CLDN18: variants seen among roughly 807,000 people sequenced by gnomAD.
The protein encoded by CLDN18 is claudin-18.
In CLDN18, 20 loss-of-function variants were observed where a neutral mutation model predicts 25.0. That is an observed-to-expected ratio of 0.80 (90% CI 0.56 to 1.16). CLDN18 has a LOEUF of 1.16. Among genes scored for constraint, CLDN18 ranks in the 50% most tolerant of loss-of-function variants. The probability of loss-of-function intolerance (pLI) is 0.00; values close to 1 mark genes in which losing one functional copy is unlikely to be tolerated. For missense variants in CLDN18, 297 were observed against 345.4 expected (o/e 0.86, Z 1.11); for synonymous variants, 125 against 135.6 (o/e 0.92, Z 0.54).
chr3:138,009,879 T>G, upstream of CLDN18: 1 of 288,084 alleles, frequency 3.5e-6, no homozygotes, highest in Non-Finnish European at 6.7e-6. Flanking sequence ...ACGTCAGCCT[T>G]TTCTCCAGAT....
intron 3 of CLDN18, among the ~76,000 whole-genome samples, chr3:138,028,429 C>T (rs1942352345): frequency 6.6e-6 from 1 of 152,208 alleles, no homozygotes; most frequent in African/African-American, 2.4e-5. Context: ...GGTTTGCACA[C>T]ATATTACTTG....
chr3:138,023,994 T>G (rs564989501), intron 2 of CLDN18, among the ~76,000 whole-genome samples, 172 bp downstream of exon 2: 2 of 152,204 alleles, frequency 1.3e-5, no homozygotes, highest in South Asian at 4.2e-4. Context: ...AGGTCCTTCT[T>G]AGCTGCCACT....
chr3:138,024,190 T>C (rs183625961), intron 2 of CLDN18, among the ~76,000 whole-genome samples: 6 of 152,078 alleles, frequency 3.9e-5, no homozygotes, highest in Admixed American at 3.3e-4. Context: ...CTTAGTTAGC[T>C]TTTGAATCTT....
chr3:138,000,120 TTTATTC>T (rs1481670419), intron 1 of CLDN18, among the ~76,000 whole-genome samples: 1 of 152,144 alleles, frequency 6.6e-6, no homozygotes, highest in Non-Finnish European at 1.5e-5. Context: ...CATACGGTGA[TTTATTC>T]TTTTATACAT....
chr3:138,021,480 G>C (rs1224683966), intron 1 of CLDN18, among the ~76,000 whole-genome samples: 4 of 152,058 alleles, frequency 2.6e-5, no homozygotes, highest in African/African-American at 9.7e-5. Context: ...CCTCATTAGG[G>C]TTTTGTTTCT....
chr3:138,029,751 GGA>G, intron 3 of CLDN18, 44 bp from the exon 4 acceptor site: 1 of 1,199,342 alleles, frequency 8.3e-7, no homozygotes, highest in African/African-American at 1.5e-5. Flanking sequence ...GGTGGAGCCT[GGA>G]GAGTTGAGTC....
chr3:138,025,346 A>G (rs534110931), intron 3 of CLDN18, among the ~76,000 whole-genome samples: 41 of 152,356 alleles, frequency 2.7e-4, no homozygotes, highest in Non-Finnish European at 5.3e-4. Context: ...AACTTTTAAA[A>G]GATGGAAAAG....
upstream of CLDN18, among the ~76,000 whole-genome samples, chr3:138,009,541 CAG>C (rs1942105437): frequency 1.3e-5 from 2 of 152,142 alleles, no homozygotes; most frequent in Admixed American, 6.5e-5. Context: ...CATATGGAAA[CAG>C]AGAAAGAGCG....
chr3:138,023,224 A>G (rs1251483279), intron 1 of CLDN18, among the ~76,000 whole-genome samples: 1 of 152,238 alleles, frequency 6.6e-6, no homozygotes, highest in African/African-American at 2.4e-5. Context: ...TTTAGCGCAT[A>G]TGGAAACACA....
intron 1 of CLDN18, among the ~76,000 whole-genome samples, chr3:138,014,982 A>G (rs1438773735): frequency 6.6e-6 from 1 of 152,060 alleles, no homozygotes; most frequent in Non-Finnish European, 1.5e-5. Context: ...AAATTTTTTA[A>G]AACTAGCTGG....
rs1408749822 is a variant in CLDN18, at chr3:138,004,041, G to GCA, written c.220+4953_220+4954insCA. Among the ~76,000 whole-genome samples the GCA allele has an allele frequency of 2.6e-5, 4 of 151,990 alleles. No individual in the cohort carries two copies. In the East Asian group the frequency reaches 7.7e-4, roughly 29 times the overall value. ...ACAAAAAAATTAGCCAGGTGTGGTG[G>GCA]TGCACGCCTGTAGTCCCAGCTACTC... is the stretch of plus-strand genomic sequence containing the variant. On this transcript the variant is annotated intron_variant, in intron 1 of 4. Transcript: ENST00000343735.
Position 138,004,127 on chromosome 3 carries a change from T to C in CLDN18, c.220+5039T>C, listed in dbSNP as rs146701727. ...AGGTGGAGGTTGCAGTGGGCCAAGATTGCACCACTGCAACACAGTGAGACT... is the reference window on the plus strand; with the variant it reads ...AGGTGGAGGTTGCAGTGGGCCAAGACTGCACCACTGCAACACAGTGAGACT... On this transcript the variant is annotated intron_variant, in intron 1 of 4. Coordinates refer to the CLDN18 transcript ENST00000343735. Among the ~76,000 whole-genome samples, 1,486 of 152,168 alleles carry C rather than the reference T, an allele frequency of 9.8e-3. 19 individuals are homozygous for C. Among genetic ancestry groups the C allele is most frequent in the African/African-American group, 0.033 (1,386 of 41,504 alleles).
Position 138,010,293 on chromosome 3 carries a change from C to T in CLDN18, c.68C>T (p.Ala23Val). The T allele has an allele frequency of 1.9e-6, 3 of 1,614,190 alleles. No individual in the cohort carries two copies. The highest frequency in any genetic ancestry group is 2.5e-6 in the Non-Finnish European group (3 of 1,180,034). The change falls in exon 1 of 5, where the codon GCG (alanine) becomes GTG (valine). Residue 23 changes from alanine (A) to valine (V), a missense_variant. By Grantham distance (64) the Ala-to-Val change is moderately conservative (BLOSUM62 0). Coordinates refer to ENST00000183605, the MANE Select transcript of CLDN18 (RefSeq NM_016369.4). Reference sequence around the variant, plus strand: ...ATCCTGGGGCTGGCCGGCTGCATCGCGGCCACCGGGATGGACATGTGGAGC... The same window carrying T: ...ATCCTGGGGCTGGCCGGCTGCATCGTGGCCACCGGGATGGACATGTGGAGC... The part of the protein sequence containing the change: ...LSILGLAGCI[A>V]ATGMDMWSTQ...
chr3:138,013,477 T>C (rs1427645226), intron 1 of CLDN18, among the ~76,000 whole-genome samples: 1 of 152,216 alleles, frequency 6.6e-6, no homozygotes, highest in Non-Finnish European at 1.5e-5. Flanking sequence ...GTAGCTACAC[T>C]CTTCAAAGTT....
At chr3:138,020,432 A>T (rs185817606) in intron 1 of CLDN18, among the ~76,000 whole-genome samples, 2 of 152,238 alleles carry the variant, frequency 1.3e-5, no homozygotes, top group Admixed American at 1.3e-4. Flanking sequence ...ATCTGGTGAG[A>T]AGGCTGCTAG....
Position 137,999,706 on chromosome 3 carries a change from A to T in CLDN18, c.220+618A>T, listed in dbSNP as rs138547729. Among the ~76,000 whole-genome samples, 87 of 152,286 alleles carry T rather than the reference A, an allele frequency of 5.7e-4. 1 individual carries two copies. Among genetic ancestry groups the T allele is most frequent in the African/African-American group, 2.1e-3 (86 of 41,558 alleles). ...ACTCAGGGCGCTCTCTGCACAGGGG[A>T]TTCTGCTGTGGCAAATGGGCGCTGC... On this transcript the variant is annotated intron_variant, in intron 1 of 4. Transcript: ENST00000343735.
At chr3:138,022,325 C>T (rs1942281168) in intron 1 of CLDN18, among the ~76,000 whole-genome samples, 1 of 152,154 alleles carries the variant, frequency 6.6e-6, no homozygotes, top group Non-Finnish European at 1.5e-5. Context: ...AGATCAAGGT[C>T]AATATTACTA....
At chr3:138,002,678 A>G (rs1942031075) in intron 1 of CLDN18, among the ~76,000 whole-genome samples, 1 of 152,244 alleles carries the variant, frequency 6.6e-6, no homozygotes, top group African/African-American at 2.4e-5. Flanking sequence ...GGATGGAAAC[A>G]CAGACACTTA....
At chr3:138,019,286 G>T (rs571474934) in intron 1 of CLDN18, among the ~76,000 whole-genome samples, 6 of 152,142 alleles carry the variant, frequency 3.9e-5, no homozygotes, top group Non-Finnish European at 7.4e-5. Flanking sequence ...CCTCTGTGTC[G>T]ATTCCCTGGA....
Sources: allele counts gnomAD v4.1 joint callset (sites outside exome capture counted in the v4.1 genomes callset), GRCh38; gene constraint gnomAD v4.1.1; transcripts MANE v1.5; gene names NCBI Gene and HGNC (gene_info 2026-07-23, HGNC 2026-07-21).